DCTD: variants seen among roughly 807,000 people sequenced by gnomAD.
The protein encoded by DCTD is dCMP deaminase, also known as deoxycytidylate deaminase.
A neutral mutation model predicts 21.0 loss-of-function variants in DCTD; 23 were observed. That is an observed-to-expected ratio of 1.09 (90% confidence interval 0.79 to 1.55). The LOEUF (loss-of-function observed/expected upper bound fraction) is 1.55. DCTD is among the 40% of genes most tolerant of loss of function. The probability of loss-of-function intolerance (pLI) is 0.00; values close to 1 mark genes in which losing one functional copy is unlikely to be tolerated. For synonymous variants in DCTD, 71 were observed against 81.1 expected, an observed-to-expected ratio of 0.88 and a Z score of 0.67; for missense variants, 224 against 230.0, an observed-to-expected ratio of 0.97 and a Z score of 0.17.
intron 3 of DCTD, among the ~76,000 whole-genome samples, chr4:182,906,852 C>T (rs1049705457): frequency 6.6e-6 from 1 of 152,184 alleles, no homozygotes. Flanking sequence ...TTTACACCTC[C>T]ACTAATTGGT....
chr4:182,900,546 A>C (rs17331996), intron 3 of DCTD, among the ~76,000 whole-genome samples: 3,528 of 152,280 alleles, frequency 0.023, 51 homozygotes, highest in Non-Finnish European at 0.035. Flanking sequence ...ATAAGGATCA[A>C]GTATTTCAAA....
chr4:182,892,283 G>A (rs1733905357), intron 5 of DCTD, among the ~76,000 whole-genome samples: 1 of 152,130 alleles, frequency 6.6e-6, no homozygotes, highest in South Asian at 2.1e-4. Context: ...AAAGGTAGTT[G>A]AACTTACTTG....
At chr4:182,896,056 A>C (rs1311405487) in intron 3 of DCTD, among the ~76,000 whole-genome samples, 1 of 152,166 alleles carries the variant, frequency 6.6e-6, no homozygotes, top group Non-Finnish European at 1.5e-5. Context: ...GGGAATCTTC[A>C]AGGTCTCCCC....
At chr4:182,915,102 G>T in intron 2 of DCTD, 44 bp from the exon 3 acceptor site, 1 of 1,613,538 alleles carries the variant, frequency 6.2e-7, no homozygotes. Flanking sequence ...GCAACTGGCT[G>T]GTCTGCCGCT....
intron 5 of DCTD, among the ~76,000 whole-genome samples, chr4:182,892,304 AT>A (rs1733912125): frequency 6.6e-6 from 1 of 152,012 alleles, no homozygotes; most frequent in Non-Finnish European, 1.5e-5. Context: ...CAAGTAAAAT[AT>A]AGCTCACAAC....
In DCTD at chr4:182,893,127, C is replaced by T; in HGVS notation, c.362G>A (p.Gly121Asp). ...AGACATGAAAATCACTTCTTTTATA[C>T]CTGTAAGGTAACAATGGGAGCTCCC... Reference protein sequence around the residue: ...NECAKLIIQAGIKEVIFMSDK... With the variant: ...NECAKLIIQADIKEVIFMSDK... The change falls in exon 5 of 6, where the codon GGT becomes GAT. Residue 121 changes from glycine (G) to aspartate (D), a missense_variant and splice_region_variant. Gly to Asp is a moderately conservative substitution (Grantham distance 94). Transcript: ENST00000438320. 6.3e-7 allele frequency: 1 copy of T among 1,587,106 alleles called. No homozygotes were observed. The highest frequency in any genetic ancestry group is 8.6e-7 in the Non-Finnish European group (1 of 1,157,394).
At chr4:182,906,060 G>A (rs925590391) in intron 3 of DCTD, among the ~76,000 whole-genome samples, 3 of 151,156 alleles carry the variant, frequency 2.0e-5, no homozygotes, top group Non-Finnish European at 4.4e-5. Context: ...CAAGGCCCTC[G>A]CATCGTACAC....
chr4:182,917,435 C>A, upstream of DCTD: 1 of 889,182 alleles, frequency 1.1e-6, no homozygotes, highest in Non-Finnish European at 1.3e-6. The surrounding 1 kb of genome is among the most constrained non-coding windows in gnomAD (Gnocchi z 4.9). Flanking sequence ...CCGGGCGCCG[C>A]GCGTTCGCAG....
chr4:182,907,652 T>C (rs927759061), intron 3 of DCTD, among the ~76,000 whole-genome samples: 2 of 152,164 alleles, frequency 1.3e-5, no homozygotes, highest in African/African-American at 2.4e-5. Flanking sequence ...TATGTACACA[T>C]GCACATTCTC....
chr4:182,916,742 G>T, intron 1 of DCTD: 1 of 1,099,678 alleles, frequency 9.1e-7, no homozygotes, highest in Non-Finnish European at 1.1e-6. Context: ...AGGAGGGAGG[G>T]GGAGCCATGG....
chr4:182,891,544 T>A, intron 5 of DCTD, 67 bp from the exon 6 acceptor site: 1 of 1,111,384 alleles, frequency 9.0e-7, no homozygotes, highest in Non-Finnish European at 1.4e-6. Context: ...TACTTTGGCT[T>A]AACTCATATT....
rs772641267 is a variant in DCTD at position 182,894,471 on chromosome 4, G to C, written c.361+18C>G. ...GGCAGCAATGCAAATGTGACAAATG[G>C]AAAGACCCGGTTCCTACCTGCCTGG... On this transcript the variant is annotated intron_variant, in intron 4 of 5. Coordinates refer to ENST00000438320, the MANE Select transcript of DCTD (RefSeq NM_001921.3). 7 of 1,505,274 alleles carry C rather than the reference G, an allele frequency of 4.7e-6. No individual in the cohort carries two copies. The South Asian group carries it at 7.9e-5, about 17-fold the overall frequency. 93.2% of individuals were successfully genotyped at this position (1,505,274 alleles called of 1,614,324 possible).
intron 3 of DCTD, among the ~76,000 whole-genome samples, chr4:182,897,898 G>A (rs1338305445): frequency 1.3e-5 from 2 of 152,280 alleles, no homozygotes; most frequent in East Asian, 1.9e-4. Flanking sequence ...GCTGACACTC[G>A]TCTATCAGCT....
At chr4:182,893,010 G>T in intron 5 of DCTD, 21 bp downstream of exon 5, 7 of 1,333,714 alleles carry the variant, frequency 5.2e-6, no homozygotes, top group Non-Finnish European at 7.5e-6. Flanking sequence ...CCGTCCCCCC[G>T]CCCGCATTCT....
intron 3 of DCTD, among the ~76,000 whole-genome samples, chr4:182,904,658 C>G (rs1301296965): frequency 6.6e-6 from 1 of 152,122 alleles, no homozygotes; most frequent in Non-Finnish European, 1.5e-5. Flanking sequence ...CTGACACTGC[C>G]CTACATTCCT....
chr4:182,892,891 T>C, intron 5 of DCTD, 140 bp downstream of exon 5: 1 of 635,152 alleles, frequency 1.6e-6, no homozygotes. Context: ...ATAATAGTCT[T>C]TAAATTCTTA....
intron 3 of DCTD, among the ~76,000 whole-genome samples, chr4:182,910,723 C>A (rs1737525436): frequency 1.3e-5 from 2 of 152,164 alleles, no homozygotes; most frequent in African/African-American, 4.8e-5. Context: ...GAATAAAAAG[C>A]TTCTTTAGCA....
At chr4:182,903,848 C>T (rs1212587535) in intron 3 of DCTD, among the ~76,000 whole-genome samples, 1 of 152,182 alleles carries the variant, frequency 6.6e-6, no homozygotes, top group Non-Finnish European at 1.5e-5. Context: ...ACCAGTCAAG[C>T]ATCTTCTTCA....
At chr4:182,915,832 T>C in intron 1 of DCTD, 1 of 1,177,856 alleles carries the variant, frequency 8.5e-7, no homozygotes, top group South Asian at 2.2e-5. Context: ...TATTTACTGC[T>C]TTCTCATAGG....
Sources: allele counts gnomAD v4.1 joint callset (sites outside exome capture counted in the v4.1 genomes callset), GRCh38; gene constraint gnomAD v4.1.1; non-coding constraint Gnocchi (gnomAD v3.1); transcripts MANE v1.5; gene names NCBI Gene and HGNC (gene_info 2026-07-23, HGNC 2026-07-21).